PRAG1: variants seen among roughly 807,000 people sequenced by gnomAD.
PRAG1 encodes PEAK1 related, kinase-activating pseudokinase 1, also known as inactive tyrosine-protein kinase PRAG1.
PRAG1 carries 110 observed loss-of-function variants against 95.6 expected under a neutral mutation model. The ratio of observed to expected loss-of-function variants is 1.15; its 90% CI spans 0.99 to 1.35. The LOEUF is 1.35. Among genes scored for constraint, PRAG1 ranks in the 40% most tolerant of loss-of-function variants. PRAG1 has a pLI of 0.00. For missense variants in PRAG1, 2,554 were observed against 1,864.7 expected (o/e 1.37, Z -6.81); for synonymous variants, 1,052 against 819.4 (o/e 1.28, Z -4.85).
chr8:8,330,506 G>A lies in PRAG1; in HGVS notation c.2321-2045C>T, dbSNP rs560816218. 3.9e-5 allele frequency among the ~76,000 whole-genome samples: 6 copies of A among 152,266 alleles called. No individual in the cohort carries two copies. The South Asian group carries it at 1.2e-3, about 32-fold the overall frequency. The stretch of plus-strand genomic sequence containing the variant: ...CCCTTCCCATTTGCTAATGATAGGC[G>A]GGGCCCCTGGCAGCAAGGCTGAGTG... On this transcript the variant is annotated intron_variant, in intron 4 of 5. Transcript: ENST00000615670.
intron 3 of PRAG1, among the ~76,000 whole-genome samples, chr8:8,367,862 C>G (rs1405373650): frequency 1.3e-5 from 2 of 152,076 alleles, no homozygotes; most frequent in African/African-American, 4.8e-5. Flanking sequence ...AGGATGGTCT[C>G]AATCTCCTGA....
intron 3 of PRAG1, among the ~76,000 whole-genome samples, chr8:8,341,256 A>G (rs1799153419): frequency 6.6e-6 from 1 of 152,216 alleles, no homozygotes; most frequent in Non-Finnish European, 1.5e-5. Flanking sequence ...AACTTCATGA[A>G]ATGTATGTAA....
At chr8:8,339,735 C>A in intron 3 of PRAG1, 100 bp from the exon 4 acceptor site, 2 of 1,142,468 alleles carry the variant, frequency 1.8e-6, no homozygotes, top group Non-Finnish European at 2.5e-6. Flanking sequence ...GAAACCTGGC[C>A]AATGTCAGCA....
intron 2 of PRAG1, among the ~76,000 whole-genome samples, chr8:8,379,262 C>T (rs75734277): frequency 1.8e-4 from 27 of 152,304 alleles, no homozygotes; most frequent in Middle Eastern, 3.4e-3. Flanking sequence ...TGAGCCTGTG[C>T]GAGTGGTTGG....
Position 8,377,740 on chromosome 8 carries a change from C to T in PRAG1, c.669G>A (p.Gln223=). 2 of 1,614,086 alleles carry T rather than the reference C, an allele frequency of 1.2e-6. No homozygotes were observed. Among genetic ancestry groups the T allele is most frequent in the Non-Finnish European group, 1.7e-6 (2 of 1,180,022 alleles). Residue 223 remains glutamine (Q), a synonymous_variant, in exon 3 of 6, where the codon CAG becomes CAA. Coordinates refer to ENST00000615670, the MANE Select transcript of PRAG1 (RefSeq NM_001080826.3). ...AFAGTTSGCH[Q]GPGPLRESLP... ...GGGATTCCCGCAGGGGCCCAGGGCC[C>T]TGGTGACAGCCAGATGTGGTCCCAG...
At chr8:8,336,924 C>T (rs1459933469) in intron 4 of PRAG1, among the ~76,000 whole-genome samples, 1 of 147,672 alleles carries the variant, frequency 6.8e-6, no homozygotes, top group South Asian at 2.2e-4. Flanking sequence ...CTCCCCCCAC[C>T]TCCGACATAA....
chr8:8,346,458 A>G (rs771779372), intron 3 of PRAG1, among the ~76,000 whole-genome samples: 1 of 152,196 alleles, frequency 6.6e-6, no homozygotes, highest in Non-Finnish European at 1.5e-5. Flanking sequence ...GTGTCCTCAG[A>G]GCCCCAGCCC....
rs1259336726 is a variant in PRAG1, at chr8:8,358,246, T to C, written c.2162+18001A>G. ...CAAAGGATACAGAAGAAGAGAAGCA[T>C]GGGCAAGGCGTGTGGGAAGGGGCAT... On this transcript the variant is annotated intron_variant, in intron 3 of 5. Transcript: ENST00000615670. Among the ~76,000 whole-genome samples, 5 of 152,170 alleles carry C rather than the reference T, an allele frequency of 3.3e-5. No individual in the cohort carries two copies. The East Asian group carries it at 7.7e-4, about 23-fold the overall frequency.
chr8:8,332,006 A>G (rs1441167565), intron 4 of PRAG1, among the ~76,000 whole-genome samples: 1 of 152,156 alleles, frequency 6.6e-6, no homozygotes. Flanking sequence ...ACACACACTC[A>G]TTAGAGGCTA....
At chr8:8,376,134 G>T in intron 3 of PRAG1, 113 bp downstream of exon 3, 1 of 1,408,952 alleles carries the variant, frequency 7.1e-7, no homozygotes, top group Non-Finnish European at 9.6e-7. Context: ...AGGCACAAGG[G>T]CCTTTGGGCA....
chr8:8,349,546 T>A (rs1379623272), intron 3 of PRAG1, among the ~76,000 whole-genome samples: 1 of 152,100 alleles, frequency 6.6e-6, no homozygotes, highest in African/African-American at 2.4e-5. Flanking sequence ...CCTCCCAAAG[T>A]GCTGGGATTA....
intron 3 of PRAG1, among the ~76,000 whole-genome samples, chr8:8,351,106 G>C (rs967294643): frequency 6.6e-6 from 1 of 152,200 alleles, no homozygotes; most frequent in African/African-American, 2.4e-5. Context: ...ATTGCCTCAT[G>C]GTTCCACAGG....
chr8:8,365,953 G>T (rs1799988995), intron 3 of PRAG1, among the ~76,000 whole-genome samples: 1 of 152,036 alleles, frequency 6.6e-6, no homozygotes, highest in South Asian at 2.1e-4. Flanking sequence ...ACTACAGCCT[G>T]GGTGACAGAG....
In PRAG1 at chr8:8,377,758, G is replaced by T. The variant is rs1436487245; in HGVS notation, c.651C>A (p.Thr217=). The change falls in exon 3 of 6, where the codon ACC becomes ACA. Residue 217 remains threonine, a synonymous_variant. Coordinates refer to ENST00000615670, the MANE Select transcript of PRAG1 (RefSeq NM_001080826.3). ...CAGGGCCCTGGTGACAGCCAGATGTGGTCCCAGCAAAGGCAGCCAGTTTCT... is the reference window on the plus strand; with the variant it reads ...CAGGGCCCTGGTGACAGCCAGATGTTGTCCCAGCAAAGGCAGCCAGTTTCT... The part of the protein sequence containing the change: ...FRQKLAAFAG[T]TSGCHQGPGP... 10 of 1,614,110 alleles carry T rather than the reference G, an allele frequency of 6.2e-6. No individual in the cohort carries two copies. The highest frequency in any genetic ancestry group is 8.5e-6 in the Non-Finnish European group (10 of 1,180,022).
At chr8:8,369,413 A>G (rs1800117578) in intron 3 of PRAG1, among the ~76,000 whole-genome samples, 1 of 152,216 alleles carries the variant, frequency 6.6e-6, no homozygotes, top group Non-Finnish European at 1.5e-5. Flanking sequence ...TGTACAGAGT[A>G]CTGGGGCAAC....
chr8:8,328,434 G>T lies in PRAG1; in HGVS notation c.2348C>A (p.Pro783His), dbSNP rs1462112122. The T allele has an allele frequency of 6.2e-7, 1 of 1,613,680 alleles. No individual in the cohort carries two copies. Among genetic ancestry groups the T allele is most frequent in the East Asian group, 2.2e-5 (1 of 44,876 alleles). ...AAAGAGCTTCTTCCCGCTGTTGGTG[G>T]GCGAGTGAGCCAGCTCAGACGAGGG... ...GGPSSELAHS[P>H]TNSGKKLFAP... The change falls in exon 5 of 6, where the codon CCC becomes CAC. Residue 783 changes from proline to histidine, a missense_variant. Physicochemically the swap from Pro to His is moderately conservative, Grantham distance 77. Coordinates refer to ENST00000615670, the MANE Select transcript of PRAG1 (RefSeq NM_001080826.3).
rs200491857 is a variant in PRAG1, at chr8:8,378,063, C to T, written c.346G>A (p.Ala116Thr). Reference sequence around the variant, plus strand: ...TTCGGGAGGGGGAGCTTGCCAGGGGCTCGTCTCCAGATGACCTACACACAA... The same window carrying T: ...TTCGGGAGGGGGAGCTTGCCAGGGGTTCGTCTCCAGATGACCTACACACAA... ...AEVSQVIWRR[A>T]PGKLPLPKQE... The change falls in exon 3 of 6, where the codon GCC (alanine) becomes ACC (threonine). Residue 116 changes from alanine to threonine, a missense_variant. Transcript: ENST00000615670. 6 of 1,540,198 alleles carry T rather than the reference C, an allele frequency of 3.9e-6. No homozygotes were observed. The East Asian group carries it at 6.8e-5, about 17-fold the overall frequency.
At chr8:8,338,525 CAGAAAA>C (rs1169091378) in intron 4 of PRAG1, among the ~76,000 whole-genome samples, 9 of 152,170 alleles carry the variant, frequency 5.9e-5, no homozygotes, top group Non-Finnish European at 1.3e-4. Context: ...GAAAAATCTA[CAGAAAA>C]AGAAAATCTG....
At chr8:8,337,227 G>A (rs114889929) in intron 4 of PRAG1, among the ~76,000 whole-genome samples, 1,840 of 152,244 alleles carry the variant, frequency 0.012, 37 homozygotes, top group African/African-American at 0.042. Context: ...TTTCTATTTG[G>A]ATCTAATCTC....
Sources: allele counts gnomAD v4.1 joint callset (sites outside exome capture counted in the v4.1 genomes callset), GRCh38; gene constraint gnomAD v4.1.1; transcripts MANE v1.5; gene names NCBI Gene and HGNC (gene_info 2026-07-23, HGNC 2026-07-21).